The following PLSCR2 variants were observed in gnomAD, a reference collection of about 807,000 sequenced individuals.
The protein encoded by PLSCR2 is PL scramblase 2.
A neutral mutation model predicts 25.3 loss-of-function variants in PLSCR2; 18 were observed. The observed-to-expected ratio is 0.71, with a 90% CI of 0.49 to 1.06. PLSCR2 has a LOEUF of 1.06. PLSCR2 is among the 50% of genes least tolerant of loss of function. The pLI, the probability that PLSCR2 is intolerant of heterozygous loss-of-function variation, is 0.00. For missense variants in PLSCR2, 243 were observed against 269.5 expected, an observed-to-expected ratio of 0.90 and a Z score of 0.69; for synonymous variants, 88 against 87.3, an observed-to-expected ratio of 1.01 and a Z score of -0.04.
upstream of PLSCR2, among the ~76,000 whole-genome samples, chr3:146,460,627 T>C (rs904778124): frequency 1.3e-5 from 2 of 152,162 alleles, no homozygotes; most frequent in African/African-American, 4.8e-5. Flanking sequence ...CCATTTTTAG[T>C]TGTCGCAACT....
At chr3:146,474,441 T>A (rs1340393823) in intron 1 of PLSCR2, among the ~76,000 whole-genome samples, 2 of 152,190 alleles carry the variant, frequency 1.3e-5, no homozygotes, top group East Asian at 3.9e-4. Flanking sequence ...TTCTTTTTTT[T>A]AAGAATGTTG....
At chr3:146,448,555 G>C (rs189111052) in intron 6 of PLSCR2, among the ~76,000 whole-genome samples, 1 of 152,244 alleles carries the variant, frequency 6.6e-6, no homozygotes, top group Admixed American at 6.5e-5. Flanking sequence ...TGTAGCTAAG[G>C]TTGAAGACCA....
downstream of PLSCR2, among the ~76,000 whole-genome samples, chr3:146,437,732 T>C (rs1003339385): frequency 2.1e-4 from 32 of 152,182 alleles, no homozygotes; most frequent in African/African-American, 7.0e-4. Flanking sequence ...ACCTCCTGGA[T>C]TCATTAATTT....
chr3:146,396,089 G>A (rs189308706), intron 2 of PLSCR2, among the ~76,000 whole-genome samples: 2 of 152,166 alleles, frequency 1.3e-5, no homozygotes, highest in East Asian at 1.9e-4. Flanking sequence ...AAAATTTATA[G>A]GCAATTCCTA....
At chr3:146,481,183 T>G (rs1022313609) in intron 1 of PLSCR2, among the ~76,000 whole-genome samples, 1 of 152,210 alleles carries the variant, frequency 6.6e-6, no homozygotes, top group African/African-American at 2.4e-5. Context: ...AAGACAATGA[T>G]GCCCTCTCTC....
downstream of PLSCR2, among the ~76,000 whole-genome samples, chr3:146,429,401 T>C (rs2039463952): frequency 6.6e-6 from 1 of 152,124 alleles, no homozygotes; most frequent in African/African-American, 2.4e-5. Context: ...GAGGAATTTA[T>C]TGGGAACTGG....
At chr3:146,431,103 G>T (rs1269322096), downstream of PLSCR2, among the ~76,000 whole-genome samples, 2 of 152,166 alleles carry the variant, frequency 1.3e-5, no homozygotes, top group Non-Finnish European at 2.9e-5. Flanking sequence ...GGCCAAGGAT[G>T]CTTGACTTCC....
intron 4 of PLSCR2, among the ~76,000 whole-genome samples, chr3:146,454,467 G>A (rs1180571380): frequency 6.6e-6 from 1 of 152,030 alleles, no homozygotes; most frequent in Admixed American, 6.6e-5. Flanking sequence ...CTCAAAATAA[G>A]TGCAGTATTA....
At chr3:146,392,347 C>T (rs1307473463) in intron 3 of PLSCR2, among the ~76,000 whole-genome samples, 1 of 152,056 alleles carries the variant, frequency 6.6e-6, no homozygotes, top group African/African-American at 2.4e-5. Flanking sequence ...CAGCATTGAG[C>T]ATACATCATT....
At chr3:146,426,883 A>G (rs1453916857) in intron 2 of PLSCR2, among the ~76,000 whole-genome samples, 1 of 152,200 alleles carries the variant, frequency 6.6e-6, no homozygotes, top group Non-Finnish European at 1.5e-5. Flanking sequence ...ACAAAAATAA[A>G]GTGTGTATCT....
At chr3:146,491,809 C>T (rs965834126) in intron 1 of PLSCR2, among the ~76,000 whole-genome samples, 1 of 152,162 alleles carries the variant, frequency 6.6e-6, no homozygotes, top group Non-Finnish European at 1.5e-5. Context: ...AGGTTCCTTG[C>T]TATCCATACT....
chr3:146,435,521 A>G (rs2039788785), intron 8 of PLSCR2, among the ~76,000 whole-genome samples: 1 of 152,206 alleles, frequency 6.6e-6, no homozygotes, highest in Non-Finnish European at 1.5e-5. Context: ...TCTGATGGCC[A>G]GAGATGATGA....
At chr3:146,393,576 C>T (rs1271837687) in intron 3 of PLSCR2, among the ~76,000 whole-genome samples, 1 of 151,354 alleles carries the variant, frequency 6.6e-6, no homozygotes, top group Admixed American at 6.6e-5. Flanking sequence ...TTTGGGAGGC[C>T]GAGGCGGGCA....
chr3:146,469,786 C>A (rs1258453805), intron 1 of PLSCR2, among the ~76,000 whole-genome samples: 13 of 115,966 alleles, frequency 1.1e-4, no homozygotes, highest in South Asian at 3.2e-4. Context: ...ACCCACCCCC[C>A]CACGCCGTGT....
chr3:146,472,426 G>A (rs999497230), intron 1 of PLSCR2, among the ~76,000 whole-genome samples: 6 of 152,160 alleles, frequency 3.9e-5, no homozygotes, highest in Admixed American at 2.0e-4. Context: ...ACCATAGTCT[G>A]GGTAGCTTAT....
intron 1 of PLSCR2, among the ~76,000 whole-genome samples, chr3:146,489,928 C>T (rs2043483908): frequency 6.6e-6 from 1 of 152,078 alleles, no homozygotes; most frequent in African/African-American, 2.4e-5. Context: ...CTCCCACTTG[C>T]TTCAAAAGAT....
intron 2 of PLSCR2, among the ~76,000 whole-genome samples, chr3:146,425,540 G>A (rs940482508): frequency 6.6e-6 from 1 of 152,162 alleles, no homozygotes; most frequent in Non-Finnish European, 1.5e-5. Flanking sequence ...GTGGGGTGCT[G>A]CAGTTAACAA....
At chr3:146,397,969 A>G (rs1323355188) in intron 2 of PLSCR2, among the ~76,000 whole-genome samples, 1 of 152,050 alleles carries the variant, frequency 6.6e-6, no homozygotes, top group Non-Finnish European at 1.5e-5. Context: ...TAAGAAAGGA[A>G]GGAAAATCAG....
At chr3:146,463,224 C>A (rs183244740), upstream of PLSCR2, among the ~76,000 whole-genome samples, 7 of 152,090 alleles carry the variant, frequency 4.6e-5, no homozygotes, top group African/African-American at 1.7e-4. Context: ...CTCGCTCTGT[C>A]GGAGTGCAGT....
Sources: gnomAD v4.1 joint callset for allele counts (sites outside exome capture counted in the v4.1 genomes callset) on GRCh38, gnomAD v4.1.1 for gene constraint, MANE v1.5 for transcripts, NCBI Gene and HGNC (gene_info 2026-07-23, HGNC 2026-07-21) for gene names.